Variants in GTF3C5 observed in about 807,000 individuals in gnomAD.
GTF3C5 encodes the protein general transcription factor 3C polypeptide 5.
Under a neutral mutation model 61.0 loss-of-function variants are expected in GTF3C5, and 47 were observed. The ratio of observed to expected loss-of-function variants is 0.77; its 90% CI spans 0.61 to 0.98. The LOEUF (loss-of-function observed/expected upper bound fraction) is 0.98, where lower values mean the gene tolerates loss of function less well. GTF3C5 is among the 50% of genes least tolerant of loss of function. The pLI is 0.00. For missense variants in GTF3C5, 659 were observed against 703.3 expected, an observed-to-expected ratio of 0.94 and a Z score of 0.71; for synonymous variants, 295 against 275.4, an observed-to-expected ratio of 1.07 and a Z score of -0.71.
chr9:133,034,824 A>G (rs77611510), intron 1 of GTF3C5, among the ~76,000 whole-genome samples: 2 of 152,176 alleles, frequency 1.3e-5, no homozygotes, highest in African/African-American at 4.8e-5. Context: ...TATAGTTTTT[A>G]AGAAACTGAT....
At chr9:133,041,657 G>T (rs1434799606) in intron 1 of GTF3C5, among the ~76,000 whole-genome samples, 3 of 152,162 alleles carry the variant, frequency 2.0e-5, no homozygotes, top group Non-Finnish European at 4.4e-5. Flanking sequence ...TGGTGGTAGT[G>T]GTCCCCCGGG....
intron 3 of GTF3C5, among the ~76,000 whole-genome samples, chr9:133,049,566 G>A (rs1353312304): frequency 6.6e-6 from 1 of 152,230 alleles, no homozygotes; most frequent in African/African-American, 2.4e-5. Context: ...TCGATGAAAT[G>A]CAGTTAACCA....
intron 1 of GTF3C5, among the ~76,000 whole-genome samples, chr9:133,034,143 A>G (rs994446017): frequency 5.9e-5 from 9 of 152,196 alleles, no homozygotes; most frequent in African/African-American, 1.9e-4. Flanking sequence ...GTTACACCGC[A>G]GTGGCTTACA....
In GTF3C5 at chr9:133,042,170, C is replaced by T; in HGVS notation, c.237C>T (p.Phe79=). 1 of 1,614,080 alleles carries T rather than the reference C, an allele frequency of 6.2e-7. No homozygotes were observed. Among genetic ancestry groups the T allele is most frequent in the Non-Finnish European group, 8.5e-7 (1 of 1,179,922 alleles). Residue 79 remains phenylalanine (F), a synonymous_variant, in exon 2 of 11, where the codon TTC becomes TTT. Transcript: ENST00000372097. ...GCCACCCAGTGTGCGCCAACCGCTTCAGTACCAGCAGCCTGCTGCTCCGCA... is the reference window on the plus strand; with the variant it reads ...GCCACCCAGTGTGCGCCAACCGCTTTAGTACCAGCAGCCTGCTGCTCCGCA... ...PYCHPVCANR[F]STSSLLLRIR...
Position 133,042,220 on chromosome 9 carries a change from AAG to A in GTF3C5, c.288_289del (p.Val98AlafsTer4), listed in dbSNP as rs762305334. On this transcript the variant is annotated frameshift_variant, in exon 2 of 11. Coordinates refer to ENST00000372097, the MANE Select transcript of GTF3C5 (RefSeq NM_012087.4). LOFTEE classifies it high-confidence loss of function. ...ATCAGGAAGAGAACGAGGCGGCAGA[AAG>A]GGGTGCTGGGCACTGAGGCCCACTC... The A allele has an allele frequency of 6.2e-7, 1 of 1,614,018 alleles. No homozygotes were observed. Among genetic ancestry groups the A allele is most frequent in the East Asian group, 2.2e-5 (1 of 44,878 alleles).
At chr9:133,046,320 AC>A (rs930997043) in intron 3 of GTF3C5, among the ~76,000 whole-genome samples, 23 of 152,224 alleles carry the variant, frequency 1.5e-4, no homozygotes, top group African/African-American at 5.5e-4. Flanking sequence ...ACAGAACAAA[AC>A]CCTGTCTCAA....
intron 3 of GTF3C5, among the ~76,000 whole-genome samples, chr9:133,048,120 C>A (rs1850259390): frequency 6.6e-6 from 1 of 150,618 alleles, no homozygotes; most frequent in African/African-American, 2.5e-5. Context: ...CAGAGTGGGA[C>A]CGTGTTTTAA....
chr9:133,055,422 G>T, intron 8 of GTF3C5: 1 of 1,255,782 alleles, frequency 8.0e-7, no homozygotes, highest in Non-Finnish European at 1.0e-6. Context: ...CAGTGTCTGG[G>T]GCCCTGCCTA....
At chr9:133,033,704 C>T (rs1849791507) in intron 1 of GTF3C5, among the ~76,000 whole-genome samples, 1 of 152,126 alleles carries the variant, frequency 6.6e-6, no homozygotes, top group East Asian at 1.9e-4. Context: ...GGAGGACCAT[C>T]CAAGTGGAAA....
At chr9:133,032,037 A>T (rs930770310) in intron 1 of GTF3C5, among the ~76,000 whole-genome samples, 1 of 152,210 alleles carries the variant, frequency 6.6e-6, no homozygotes, top group African/African-American at 2.4e-5. Flanking sequence ...GTTCTTTGAA[A>T]TGGAACTCAT....
chr9:133,038,369 T>G (rs1312825433), intron 1 of GTF3C5, among the ~76,000 whole-genome samples: 2 of 151,878 alleles, frequency 1.3e-5, no homozygotes, highest in Non-Finnish European at 2.9e-5. Context: ...GGGCAGGGCT[T>G]TGGTATCTGT....
chr9:133,040,339 C>T (rs937158547), intron 1 of GTF3C5, among the ~76,000 whole-genome samples: 2 of 152,326 alleles, frequency 1.3e-5, no homozygotes, highest in Admixed American at 6.5e-5. Context: ...CTCACTAGCA[C>T]GTAGGTGACC....
chr9:133,052,263 C>T (rs1015849893), intron 5 of GTF3C5, 99 bp downstream of exon 5: 1 of 645,744 alleles, frequency 1.5e-6, no homozygotes, highest in Non-Finnish European at 2.8e-6. Context: ...CAGCCAACCC[C>T]CTATCCTGGC....
chr9:133,052,262 C>T (rs1004147484), intron 5 of GTF3C5, 98 bp downstream of exon 5: 3 of 653,384 alleles, frequency 4.6e-6, no homozygotes, highest in Non-Finnish European at 2.8e-6. Flanking sequence ...GCAGCCAACC[C>T]CCTATCCTGG....
At chr9:133,033,278 G>A (rs1002830975) in intron 1 of GTF3C5, among the ~76,000 whole-genome samples, 4 of 152,060 alleles carry the variant, frequency 2.6e-5, no homozygotes, top group Non-Finnish European at 4.4e-5. Flanking sequence ...CTTACTCTAC[G>A]GTGTCTTGTT....
intron 3 of GTF3C5, among the ~76,000 whole-genome samples, chr9:133,044,873 C>T (rs1020918643): frequency 3.3e-5 from 5 of 151,290 alleles, no homozygotes; most frequent in East Asian, 1.9e-4. Flanking sequence ...GCCACATGGA[C>T]GTGACTCATA....
At chr9:133,041,051 G>A (rs1269499870) in intron 1 of GTF3C5, among the ~76,000 whole-genome samples, 2 of 152,268 alleles carry the variant, frequency 1.3e-5, no homozygotes, top group East Asian at 1.9e-4. Flanking sequence ...AAGAGTGCGA[G>A]CCTTCTGTTA....
At chr9:133,034,949 G>A (rs1849825599) in intron 1 of GTF3C5, among the ~76,000 whole-genome samples, 1 of 152,164 alleles carries the variant, frequency 6.6e-6, no homozygotes, top group African/African-American at 2.4e-5. Flanking sequence ...TTTTTCACAA[G>A]GCAATGGGAA....
intron 9 of GTF3C5, among the ~76,000 whole-genome samples, 195 bp downstream of exon 9, chr9:133,056,289 G>A (rs1277207324): frequency 6.6e-6 from 1 of 152,202 alleles, no homozygotes. Flanking sequence ...GAAAGCCGTG[G>A]CTCCAAGCTG....
Sources: gnomAD v4.1 joint callset for allele counts (sites outside exome capture counted in the v4.1 genomes callset) on GRCh38, gnomAD v4.1.1 for gene constraint, MANE v1.5 for transcripts, NCBI Gene and HGNC (gene_info 2026-07-23, HGNC 2026-07-21) for gene names.